The following CAST variants were observed in gnomAD, a reference collection of about 807,000 sequenced individuals.
The protein encoded by CAST is calpastatin, also known as MIR583 host.
A neutral mutation model predicts 119.6 loss-of-function variants in CAST; 76 were observed. That is an observed-to-expected ratio of 0.64 (90% CI 0.53 to 0.77). CAST has a LOEUF of 0.77. Among genes scored for constraint, CAST ranks in the 30% least tolerant of loss-of-function variants. The probability of loss-of-function intolerance (pLI) is 0.00; values close to 1 mark genes in which losing one functional copy is unlikely to be tolerated. For missense variants in CAST, 953 were observed against 946.5 expected (o/e 1.01, Z -0.09); for synonymous variants, 319 against 331.6 (o/e 0.96, Z 0.41).
the CAST span, among the ~76,000 whole-genome samples, chr5:96,398,441 A>G: frequency 6.6e-6 from 1 of 152,198 alleles, no homozygotes; most frequent in African/African-American, 2.4e-5. Flanking sequence ...TCATGTTACT[A>G]TGATAAATTT....
the CAST span, among the ~76,000 whole-genome samples, chr5:96,403,953 G>A: frequency 2.5e-3 from 375 of 152,246 alleles, no homozygotes; most frequent in Non-Finnish European, 4.4e-3. Flanking sequence ...AAGGTGTGAA[G>A]GGATTCAATG....
the CAST span, among the ~76,000 whole-genome samples, chr5:96,214,508 T>G: frequency 6.6e-6 from 1 of 152,184 alleles, no homozygotes; most frequent in African/African-American, 2.4e-5. Flanking sequence ...TTAGAACTTT[T>G]CTAAGTTCTG....
At chr5:96,617,681 A>G (rs978074465) in intron 1 of CAST, among the ~76,000 whole-genome samples, 1 of 151,132 alleles carries the variant, frequency 6.6e-6, no homozygotes, top group African/African-American at 2.4e-5. Flanking sequence ...AGTCCCAGCT[A>G]CTCGAGAGGC....
At chr5:96,090,909 G>A in the CAST span, among the ~76,000 whole-genome samples, 2 of 152,002 alleles carry the variant, frequency 1.3e-5, no homozygotes, top group African/African-American at 4.8e-5. Context: ...GTCCACAGAG[G>A]AGGACTGAGT....
At chr5:96,082,924 A>T in the CAST span, among the ~76,000 whole-genome samples, 3 of 152,242 alleles carry the variant, frequency 2.0e-5, no homozygotes, top group South Asian at 4.1e-4. Context: ...TTTTAGAAAC[A>T]CTAAAATTCA....
the CAST span, among the ~76,000 whole-genome samples, chr5:96,494,665 C>T: frequency 6.6e-6 from 1 of 152,144 alleles, no homozygotes; most frequent in African/African-American, 2.4e-5. Flanking sequence ...ATTCTTCAGG[C>T]TGCAAATGAA....
chr5:95,992,330 TTTAACA>T, the CAST span, among the ~76,000 whole-genome samples: 23 of 152,086 alleles, frequency 1.5e-4, no homozygotes, highest in Non-Finnish European at 2.8e-4. Context: ...AGAAATTGAC[TTTAACA>T]TTATCAGTGA....
At chr5:96,421,684 G>C in the CAST span, among the ~76,000 whole-genome samples, 1 of 152,004 alleles carries the variant, frequency 6.6e-6, no homozygotes, top group Non-Finnish European at 1.5e-5. Context: ...TGAAAATATG[G>C]TTCTATAAAC....
the CAST span, among the ~76,000 whole-genome samples, chr5:96,364,588 T>C: frequency 6.6e-6 from 1 of 152,248 alleles, no homozygotes; most frequent in Admixed American, 6.5e-5. Context: ...CCATTTCTTC[T>C]AGATTTTCTA....
chr5:96,413,532 G>T, the CAST span, among the ~76,000 whole-genome samples: 1 of 152,166 alleles, frequency 6.6e-6, no homozygotes, highest in Non-Finnish European at 1.5e-5. Context: ...AGGCGCAGTG[G>T]CTCATGCCTT....
the CAST span, among the ~76,000 whole-genome samples, chr5:96,520,152 T>G: frequency 2.0e-5 from 3 of 152,156 alleles, no homozygotes; most frequent in African/African-American, 7.2e-5. Context: ...TTTGCCTGAG[T>G]TTTAGGCCAG....
At chr5:96,494,150 CAG>C in the CAST span, among the ~76,000 whole-genome samples, 1 of 152,286 alleles carries the variant, frequency 6.6e-6, no homozygotes, top group East Asian at 1.9e-4. Context: ...TCCAAGCAAA[CAG>C]AGGCTGAACC....
the CAST span, among the ~76,000 whole-genome samples, chr5:96,402,078 C>A: frequency 6.6e-6 from 1 of 152,204 alleles, no homozygotes; most frequent in Non-Finnish European, 1.5e-5. Flanking sequence ...GGAGAACAAT[C>A]ATCAGGGGAG....
At chr5:96,041,895 T>C in the CAST span, among the ~76,000 whole-genome samples, 1 of 152,116 alleles carries the variant, frequency 6.6e-6, no homozygotes, top group Admixed American at 6.6e-5. Flanking sequence ...ACCCTTTAGT[T>C]CCAGAGGTAG....
At chr5:96,580,815 T>C (rs1233406602) in intron 1 of CAST, among the ~76,000 whole-genome samples, 2 of 152,168 alleles carry the variant, frequency 1.3e-5, no homozygotes, top group African/African-American at 4.8e-5. Flanking sequence ...AATGTTTCTG[T>C]CTCCTCAAAA....
chr5:96,623,874 T>C (rs1010988557), intron 1 of CAST, among the ~76,000 whole-genome samples: 3 of 151,702 alleles, frequency 2.0e-5, no homozygotes, highest in Non-Finnish European at 2.9e-5. Context: ...TTTTTTTTTA[T>C]TTCATGTAGA....
At chr5:96,405,042 AG>A in the CAST span, among the ~76,000 whole-genome samples, 2 of 152,154 alleles carry the variant, frequency 1.3e-5, no homozygotes, top group Non-Finnish European at 2.9e-5. Context: ...CTTGGGATAA[AG>A]CTTGGTCACA....
chr5:96,651,209 A>C (rs1315189223), intron 1 of CAST, among the ~76,000 whole-genome samples: 1 of 152,218 alleles, frequency 6.6e-6, no homozygotes, highest in Non-Finnish European at 1.5e-5. Flanking sequence ...TCAGCAACAA[A>C]GCACTGTCTA....
At chr5:96,358,124 G>A in the CAST span, among the ~76,000 whole-genome samples, 12 of 152,242 alleles carry the variant, frequency 7.9e-5, no homozygotes, top group Admixed American at 3.3e-4. Context: ...GCATAGAGGT[G>A]TTTATAGTAT....
Sources: allele counts gnomAD v4.1 joint callset (sites outside exome capture counted in the v4.1 genomes callset), GRCh38; gene constraint gnomAD v4.1.1; transcripts MANE v1.5; gene names NCBI Gene and HGNC (gene_info 2026-07-23, HGNC 2026-07-21).